Variants in DYRK1A observed in about 807,000 individuals in gnomAD.
The protein encoded by DYRK1A is dual specificity tyrosine-phosphorylation-regulated kinase 1A.
In DYRK1A, 9 loss-of-function variants were observed where a neutral mutation model predicts 79.7. The observed-to-expected ratio is 0.11, with a 90% CI of 0.07 to 0.20. The LOEUF (loss-of-function observed/expected upper bound fraction) is 0.20, where lower values mean the gene tolerates loss of function less well. Among genes scored for constraint, DYRK1A ranks in the 10% least tolerant of loss-of-function variants. The pLI, the probability that DYRK1A is intolerant of heterozygous loss-of-function variation, is 1.00. For synonymous variants in DYRK1A, 349 were observed against 329.7 expected (o/e 1.06, Z -0.63); for missense variants, 622 against 956.0 (o/e 0.65, Z 4.61).
At chr21:37,373,278 A>G (rs1276936478) in intron 1 of DYRK1A, among the ~76,000 whole-genome samples, 3 of 152,254 alleles carry the variant, frequency 2.0e-5, no homozygotes, top group South Asian at 2.1e-4. Flanking sequence ...AAAATGCCAT[A>G]TAAATATAAA....
Position 37,512,590 on chromosome 21 carries a change from C to G in DYRK1A, c.*59C>G. 1.9e-6 allele frequency: 3 copies of G among 1,568,338 alleles called. No individual in the cohort carries two copies. In the Middle Eastern group the frequency reaches 6.0e-4, roughly 311 times the overall value. On this transcript the variant is annotated 3_prime_UTR_variant, in exon 12 of 12. Transcript: ENST00000647188. The stretch of plus-strand genomic sequence containing the variant: ...TTTTATAGAAGTGGTGTTTTTTTTC[C>G]AAAAACAAAGTGCAAAGCTGCTTGA...
intron 2 of DYRK1A, 41 bp downstream of exon 2, chr21:37,420,425 G>T: frequency 6.2e-7 from 1 of 1,603,746 alleles, no homozygotes; most frequent in Non-Finnish European, 8.5e-7. Context: ...CTGGCTAAGA[G>T]AATGTGGGAA....
intron 1 of DYRK1A, among the ~76,000 whole-genome samples, chr21:37,389,728 T>A (rs1007348359): frequency 6.6e-6 from 1 of 151,274 alleles, no homozygotes. Context: ...CGCTGGAGGC[T>A]TAGTAGGCGG....
At chr21:37,467,096 A>G (rs1409546306) in intron 2 of DYRK1A, among the ~76,000 whole-genome samples, 2 of 116,968 alleles carry the variant, frequency 1.7e-5, no homozygotes. Flanking sequence ...AGTCTTTGGG[A>G]TTTACAAAAG....
At chr21:37,501,155 T>G (rs898911510) in intron 9 of DYRK1A, among the ~76,000 whole-genome samples, 1 of 149,696 alleles carries the variant, frequency 6.7e-6, no homozygotes, top group African/African-American at 2.5e-5. Context: ...ATGTTTTTTT[T>G]GTTGTTGTTG....
chr21:37,496,182 C>T lies in DYRK1A; in HGVS notation c.1136C>T (p.Ala379Val). Reference protein sequence around the residue: ...GIPPAHILDQAPKARKFFEKL... With the variant: ...GIPPAHILDQVPKARKFFEKL... ...CCACCTGCTCATATTCTTGACCAAG[C>T]ACCAAAAGCAAGAAAGTTCTTTGAG... is the stretch of plus-strand genomic sequence containing the variant. The change falls in exon 9 of 12, where the codon GCA (alanine) becomes GTA (valine). Residue 379 changes from alanine (A) to valine (V), a missense_variant. Transcript: ENST00000647188. 1 of 1,614,052 alleles carries T rather than the reference C, an allele frequency of 6.2e-7. No homozygotes were observed. Among genetic ancestry groups the T allele is most frequent in the Non-Finnish European group, 8.5e-7 (1 of 1,179,956 alleles).
chr21:37,444,486 G>C (rs1050359389), intron 2 of DYRK1A, among the ~76,000 whole-genome samples: 1 of 152,184 alleles, frequency 6.6e-6, no homozygotes, highest in Non-Finnish European at 1.5e-5. Context: ...GGTATCAGGT[G>C]TAGACCTGTG....
intron 6 of DYRK1A, chr21:37,487,566 G>A (rs1481190606): frequency 6.6e-6 from 1 of 152,108 alleles, no homozygotes; most frequent in Non-Finnish European, 1.5e-5. Context: ...CAGAGCCATA[G>A]TCACTTGTGT....
intron 2 of DYRK1A, among the ~76,000 whole-genome samples, chr21:37,450,333 C>T (rs181358329): frequency 1.3e-5 from 2 of 152,086 alleles, no homozygotes; most frequent in Admixed American, 1.3e-4. Context: ...ATGACAAATA[C>T]CTATGTGGGA....
At chr21:37,366,356 G>A (rs1403319898), upstream of DYRK1A, among the ~76,000 whole-genome samples, 1 of 145,378 alleles carries the variant, frequency 6.9e-6, no homozygotes, top group Non-Finnish European at 1.5e-5. Flanking sequence ...GGGCTGCGGG[G>A]GCGGCGGCGC....
At chr21:37,386,013 T>C (rs1329945686) in intron 1 of DYRK1A, among the ~76,000 whole-genome samples, 1 of 152,162 alleles carries the variant, frequency 6.6e-6, no homozygotes, top group South Asian at 2.1e-4. Context: ...CTGAGCACTT[T>C]ATAAACGTAC....
intron 2 of DYRK1A, among the ~76,000 whole-genome samples, chr21:37,422,036 C>G (rs2050490284): frequency 6.6e-6 from 1 of 152,032 alleles, no homozygotes; most frequent in Non-Finnish European, 1.5e-5. Context: ...CTTATGGTCT[C>G]AATGGAATGA....
rs1408237984 is a variant in DYRK1A, at chr21:37,520,183, C to T, written c.*7652C>T. The T allele has an allele frequency of 6.6e-6, 1 of 152,216 alleles. No individual in the cohort carries two copies. The highest frequency in any genetic ancestry group is 1.9e-4 in the East Asian group (1 of 5,196). The allele number at this position is 152,216 out of a possible 1,614,324, so 9.4% of individuals were successfully genotyped here. A position where few individuals can be genotyped will look rare whatever the true frequency, so the allele number is the denominator to read the frequency against. Reference sequence around the variant, plus strand: ...GGGTCTGTTTTTGAACAGGCATGGTCATTAGACCCTTGTGATCACGCATCC... The same window carrying T: ...GGGTCTGTTTTTGAACAGGCATGGTTATTAGACCCTTGTGATCACGCATCC... On this transcript the variant is annotated 3_prime_UTR_variant, in exon 12 of 12. Transcript: ENST00000647188.
In DYRK1A at chr21:37,366,866, A is replaced by AGGCGGGGGTGGCGGCGGCAACCGC. The variant is rs1170550680; in HGVS notation, c.-829_-806dup. On this transcript the variant is annotated 5_prime_UTR_variant, in exon 1 of 12. Transcript: ENST00000647188. ...AATAATAAAAAGCCCCATTGGAGTG[A>AGGCGGGGGTGGCGGCGGCAACCGC]GGCGGGGGTGGCGGCGGCAACCGCG... The AGGCGGGGGTGGCGGCGGCAACCGC allele has an allele frequency of 6.6e-6, 1 of 152,308 alleles. No individual in the cohort carries two copies. The highest frequency in any genetic ancestry group is 2.4e-5 in the African/African-American group (1 of 41,248). The allele number at this position is 152,308 out of a possible 1,614,324, so 9.4% of individuals were successfully genotyped here. A position where few individuals can be genotyped will look rare whatever the true frequency, so the allele number is the denominator to read the frequency against.
chr21:37,466,758 A>C (rs1320784664), intron 2 of DYRK1A, among the ~76,000 whole-genome samples: 1 of 152,172 alleles, frequency 6.6e-6, no homozygotes, highest in Admixed American at 6.5e-5. Context: ...GAGATTTTTA[A>C]TACATTGTTG....
intron 2 of DYRK1A, among the ~76,000 whole-genome samples, chr21:37,423,493 T>G (rs1173019263): frequency 6.6e-6 from 1 of 152,142 alleles, no homozygotes; most frequent in Non-Finnish European, 1.5e-5. Flanking sequence ...CCTCAGAGAT[T>G]ACCATGTATA....
At chr21:37,372,241 C>T (rs998942904) in intron 1 of DYRK1A, among the ~76,000 whole-genome samples, 32 of 150,616 alleles carry the variant, frequency 2.1e-4, no homozygotes, top group South Asian at 2.1e-4. Context: ...GCCAGGAGTT[C>T]GAAACCAGCC....
intron 5 of DYRK1A, among the ~76,000 whole-genome samples, chr21:37,482,314 G>A (rs1051238260): frequency 1.3e-5 from 2 of 152,052 alleles, no homozygotes; most frequent in African/African-American, 2.4e-5. Context: ...AGCGTCGGCC[G>A]GTTTGAGAAA....
rs1419907727 is a variant in DYRK1A at position 37,526,189 on chromosome 21, C to T, written c.*13658C>T. On this transcript the variant is annotated 3_prime_UTR_variant, in exon 12 of 12. Coordinates refer to ENST00000647188, the MANE Select transcript of DYRK1A (RefSeq NM_001347721.2). ...TACAGTTTGAGCAGTGTGTTAGGGA[C>T]CTCAATGCAAACCCAAAAGAAATTT... 1.3e-5 allele frequency: 2 copies of T among 152,132 alleles called. No individual in the cohort carries two copies. Among genetic ancestry groups the T allele is most frequent in the Non-Finnish European group, 2.9e-5 (2 of 68,032 alleles). 9.4% of individuals were successfully genotyped at this position (152,132 alleles called of 1,614,324 possible). A position where few individuals can be genotyped will look rare whatever the true frequency, so the allele number is the denominator to read the frequency against.
Sources: allele counts gnomAD v4.1 joint callset (sites outside exome capture counted in the v4.1 genomes callset), GRCh38; gene constraint gnomAD v4.1.1; transcripts MANE v1.5; gene names NCBI Gene and HGNC (gene_info 2026-07-23, HGNC 2026-07-21).